The following UBAP1 variants were observed in gnomAD, a reference collection of about 807,000 sequenced individuals.
UBAP1 encodes the protein ubiquitin-associated protein 1.
UBAP1 carries 5 observed loss-of-function variants against 39.0 expected under a neutral mutation model. That is an observed-to-expected ratio of 0.13 (90% confidence interval 0.07 to 0.27). UBAP1 has a LOEUF of 0.27. Ranked by LOEUF, UBAP1 falls within the 10% of genes least tolerant of loss-of-function variation. The pLI, the probability that UBAP1 is intolerant of heterozygous loss-of-function variation, is 1.00. For synonymous variants in UBAP1, 211 were observed against 225.1 expected, an observed-to-expected ratio of 0.94 and a Z score of 0.56; for missense variants, 490 against 608.1, an observed-to-expected ratio of 0.81 and a Z score of 2.04.
chr9:34,242,515 C>CA (rs1386115216), intron 4 of UBAP1, among the ~76,000 whole-genome samples: 4 of 151,882 alleles, frequency 2.6e-5, no homozygotes, highest in African/African-American at 9.7e-5. Flanking sequence ...TTTGCTACAC[C>CA]AGCTTACAGA....
chr9:34,249,821 C>T lies in UBAP1; in HGVS notation c.1126C>T (p.Pro376Ser). 1.2e-6 allele frequency: 2 copies of T among 1,614,222 alleles called. No individual in the cohort carries two copies. Among genetic ancestry groups the T allele is most frequent in the East Asian group, 2.2e-5 (1 of 44,886 alleles). Residue 376 changes from proline (P) to serine (S), a missense_variant, in exon 5 of 7, where the codon CCC (proline) becomes TCC (serine). This residue lies in a region of UBAP1 where 339 missense variants were observed against 390.0 expected (regional missense o/e 0.87). Coordinates refer to ENST00000297661, the MANE Select transcript of UBAP1 (RefSeq NM_016525.5). The stretch of plus-strand genomic sequence containing the variant: ...CTCAGTGTCACAAGTGCCCAACATG[C>T]CCAGCTGTCCCCAGGCCTATTCTGA... Reference protein sequence around the residue: ...NFSVSQVPNMPSCPQAYSELQ... With the variant: ...NFSVSQVPNMSSCPQAYSELQ...
intron 2 of UBAP1, among the ~76,000 whole-genome samples, chr9:34,222,619 A>G (rs897357440): frequency 9.2e-5 from 14 of 152,104 alleles, no homozygotes; most frequent in African/African-American, 3.4e-4. Context: ...ACATAGTGAG[A>G]CGCTGTCTCT....
chr9:34,183,596 T>TA (rs1212511048), intron 1 of UBAP1, among the ~76,000 whole-genome samples: 45 of 148,866 alleles, frequency 3.0e-4, no homozygotes, highest in Admixed American at 5.4e-4. Context: ...TTCTAACAAT[T>TA]AAAAAAAAAG....
chr9:34,226,117 G>GTGTGTGTGTGTGTGTGTGTT lies in UBAP1; in HGVS notation c.34+5188_34+5189insTTGTGTGTGTGTGTGTGTGT, dbSNP rs1554650775. Among the ~76,000 whole-genome samples, 869 of 94,286 alleles carry GTGTGTGTGTGTGTGTGTGTT rather than the reference G, an allele frequency of 9.2e-3. 14 individuals carry two copies. The highest frequency in any genetic ancestry group is 0.026 in the African/African-American group (830 of 32,038). 61.9% of individuals were successfully genotyped at this position (94,286 alleles called of 152,430 possible). A position where few individuals can be genotyped will look rare whatever the true frequency, so the allele number is the denominator to read the frequency against. On this transcript the variant is annotated intron_variant, in intron 2 of 6. Coordinates refer to ENST00000297661, the MANE Select transcript of UBAP1 (RefSeq NM_016525.5). ...TCCTCCTACTCTATTGTGTGTGTGT[G>GTGTGTGTGTGTGTGTGTGTT]TGTGTGTGTGTGTGTGTGTGTGTGT...
At chr9:34,250,511 C>T (rs1292551009) in intron 5 of UBAP1, 147 bp from the exon 6 acceptor site, 1 of 563,864 alleles carries the variant, frequency 1.8e-6, no homozygotes, top group Non-Finnish European at 3.2e-6. Context: ...GTGTTGGACA[C>T]AGTCAAGGCA....
chr9:34,231,500 G>A (rs1270046612), intron 2 of UBAP1, among the ~76,000 whole-genome samples: 2 of 148,484 alleles, frequency 1.3e-5, no homozygotes, highest in African/African-American at 5.0e-5. Context: ...TGAGCCACCG[G>A]TCCCGGCCAA....
intron 1 of UBAP1, among the ~76,000 whole-genome samples, chr9:34,192,050 C>T (rs1246217892): frequency 1.3e-5 from 2 of 150,314 alleles, no homozygotes; most frequent in South Asian, 2.1e-4. Flanking sequence ...TGCTGTGTTG[C>T]CCAGGTTAGT....
chr9:34,227,820 G>A (rs971841819), intron 2 of UBAP1, among the ~76,000 whole-genome samples: 47 of 152,186 alleles, frequency 3.1e-4, no homozygotes, highest in African/African-American at 1.0e-3. Flanking sequence ...GGTTGAGGCA[G>A]AAAATTGTTA....
chr9:34,237,491 G>A (rs1027937816), intron 3 of UBAP1, among the ~76,000 whole-genome samples: 1 of 151,940 alleles, frequency 6.6e-6, no homozygotes, highest in African/African-American at 2.4e-5. Flanking sequence ...GGGAACTTCA[G>A]TTACTTTTGG....
chr9:34,243,247 C>T (rs1436738089), intron 4 of UBAP1, among the ~76,000 whole-genome samples: 1 of 152,146 alleles, frequency 6.6e-6, no homozygotes, highest in Non-Finnish European at 1.5e-5. Context: ...GATCCTTGGC[C>T]AACACTCCCT....
In UBAP1 at chr9:34,224,535, G is replaced by A. The variant is rs1030719742; in HGVS notation, c.34+3587G>A. 5 of 433,856 alleles carry A rather than the reference G, an allele frequency of 1.2e-5. No homozygotes were observed. In the South Asian group the frequency reaches 3.3e-4, roughly 28 times the overall value. 26.9% of individuals were successfully genotyped at this position (433,856 alleles called of 1,614,324 possible). On this transcript the variant is annotated intron_variant, in intron 2 of 6. Coordinates refer to ENST00000297661, the MANE Select transcript of UBAP1 (RefSeq NM_016525.5). The stretch of plus-strand genomic sequence containing the variant: ...GGGCCAATGTTGGTGTTGGCAGCTG[G>A]GCACCCCTGCTCATACTTCCGCTTC...
chr9:34,186,690 A>G (rs1429715645), intron 1 of UBAP1, among the ~76,000 whole-genome samples: 1 of 151,252 alleles, frequency 6.6e-6, no homozygotes, highest in Non-Finnish European at 1.5e-5. Flanking sequence ...TTCGTTGCCT[A>G]TTTTTTTGGT....
chr9:34,205,462 A>G (rs1358637258), intron 1 of UBAP1, among the ~76,000 whole-genome samples: 1 of 152,136 alleles, frequency 6.6e-6, no homozygotes, highest in Non-Finnish European at 1.5e-5. Context: ...TTTCATTTTA[A>G]AGATATTGTT....
intron 2 of UBAP1, among the ~76,000 whole-genome samples, chr9:34,229,430 G>A (rs1833291506): frequency 6.6e-6 from 1 of 150,844 alleles, no homozygotes; most frequent in South Asian, 2.1e-4. Context: ...GCTAATTTTT[G>A]TATTTTTGGT....
chr9:34,189,408 C>G (rs1325007894), intron 1 of UBAP1, among the ~76,000 whole-genome samples: 1 of 151,716 alleles, frequency 6.6e-6, no homozygotes, highest in African/African-American at 2.4e-5. Context: ...AGGCTGGTCG[C>G]AAACTCCTGA....
chr9:34,212,471 A>G (rs2131557621), intron 1 of UBAP1, among the ~76,000 whole-genome samples: 1 of 151,834 alleles, frequency 6.6e-6, no homozygotes, highest in Non-Finnish European at 1.5e-5. Flanking sequence ...AAAATAAAAT[A>G]ATTTTTTTAG....
chr9:34,231,804 C>T (rs948480778), intron 2 of UBAP1, among the ~76,000 whole-genome samples: 8 of 151,726 alleles, frequency 5.3e-5, no homozygotes, highest in Admixed American at 2.0e-4. Flanking sequence ...CCACTGCGCC[C>T]GGCTCATTTT....
rs1263516407 is a variant in UBAP1 at position 34,234,271 on chromosome 9, A to G, written c.90A>G (p.Thr30=). 1.2e-6 allele frequency: 2 copies of G among 1,613,434 alleles called. No homozygotes were observed. Among genetic ancestry groups the G allele is most frequent in the Non-Finnish European group, 1.7e-6 (2 of 1,179,896 alleles). ...VPFKTGDKFK[T]PAKVGLPIGF... is the part of the protein sequence containing the mutation. ...TTAAGACAGGAGACAAATTCAAAACACCAGCTAAAGTTGGTCTACCTATTG... is the reference window on the plus strand; with the variant it reads ...TTAAGACAGGAGACAAATTCAAAACGCCAGCTAAAGTTGGTCTACCTATTG... The change falls in exon 3 of 7, where the codon ACA becomes ACG. Residue 30 remains threonine, a synonymous_variant. Coordinates refer to ENST00000297661, the MANE Select transcript of UBAP1 (RefSeq NM_016525.5).
At position 34,251,668 on chromosome 9, in the gene UBAP1, G is replaced by A. The variant is rs766981472; in HGVS notation, c.*136G>A. 110 of 971,352 alleles carry A rather than the reference G, an allele frequency of 1.1e-4. No individual in the cohort carries two copies. Among genetic ancestry groups the A allele is most frequent in the Non-Finnish European group, 1.6e-4 (105 of 675,512 alleles). The allele number at this position is 971,352 out of a possible 1,614,324, so 60.2% of individuals were successfully genotyped here. ...AGAAGGTCAGGTGTGGAGACTGCTC[G>A]CCAGTCTCTGTGAGCCTAGGCCCTG... is the stretch of plus-strand genomic sequence containing the variant. On this transcript the variant is annotated 3_prime_UTR_variant, in exon 7 of 7. Transcript: ENST00000297661.
Sources: gnomAD v4.1 joint callset for allele counts (sites outside exome capture counted in the v4.1 genomes callset) on GRCh38, gnomAD v4.1.1 for gene constraint, gnomAD v4.1.1 regional missense constraint, MANE v1.5 for transcripts, NCBI Gene and HGNC (gene_info 2026-07-23, HGNC 2026-07-21) for gene names.